Variants in KIFAP3 observed in about 807,000 individuals in gnomAD.
The protein encoded by KIFAP3 is kinesin associated protein 3, also known as kinesin-associated protein 3.
In KIFAP3, 68 loss-of-function variants were observed where a neutral mutation model predicts 106.5. The ratio of observed to expected loss-of-function variants is 0.64; its 90% CI spans 0.53 to 0.78. The LOEUF (loss-of-function observed/expected upper bound fraction) is 0.78. Among genes scored for constraint, KIFAP3 ranks in the 30% least tolerant of loss-of-function variants. The pLI is 0.00. For synonymous variants in KIFAP3, 320 were observed against 311.5 expected, an observed-to-expected ratio of 1.03 and a Z score of -0.29; for missense variants, 780 against 941.8, an observed-to-expected ratio of 0.83 and a Z score of 2.25.
At chr1:170,079,012 G>T (rs1167108121), upstream of KIFAP3, among the ~76,000 whole-genome samples, 1 of 152,142 alleles carries the variant, frequency 6.6e-6, no homozygotes, top group Non-Finnish European at 1.5e-5. Context: ...TAATTAATTT[G>T]CCATATTGCT....
chr1:170,077,117 C>A (rs140920124), upstream of KIFAP3, among the ~76,000 whole-genome samples: 444 of 152,252 alleles, frequency 2.9e-3, 5 homozygotes, highest in Middle Eastern at 3.4e-3. Flanking sequence ...GTAAACGCAC[C>A]AATCAGCACT....
At chr1:169,935,384 T>C (rs478116) in intron 19 of KIFAP3, among the ~76,000 whole-genome samples, 142,219 of 152,064 alleles carry the variant, frequency 0.94, 66,595 homozygotes, top group East Asian at 0.99. Flanking sequence ...GGATTCCTTT[T>C]TAAGATCGCT....
intron 11 of KIFAP3, among the ~76,000 whole-genome samples, 195 bp from the exon 12 acceptor site, chr1:169,984,885 G>A (rs78930097): frequency 1.3e-5 from 2 of 151,804 alleles, no homozygotes; most frequent in Admixed American, 1.3e-4. Flanking sequence ...TGAACTCTTA[G>A]ATGCTCAGCA....
intron 11 of KIFAP3, among the ~76,000 whole-genome samples, chr1:169,986,984 C>A (rs552637236): frequency 6.6e-6 from 1 of 152,020 alleles, no homozygotes; most frequent in East Asian, 1.9e-4. Context: ...AACTCCCATT[C>A]CCCATATCGA....
intron 1 of KIFAP3, among the ~76,000 whole-genome samples, chr1:170,066,196 G>T (rs1671438986): frequency 7.8e-6 from 1 of 128,864 alleles, no homozygotes; most frequent in African/African-American, 3.1e-5. Context: ...CATTCTTTAT[G>T]TTATAGCTGT....
chr1:169,927,576 G>A (rs1663211913), intron 19 of KIFAP3, among the ~76,000 whole-genome samples: 1 of 152,146 alleles, frequency 6.6e-6, no homozygotes, highest in Admixed American at 6.5e-5. Flanking sequence ...GGCAAGGAGT[G>A]TTTTGGCCAT....
At chr1:169,973,122 T>TATATATATATAA (rs1337198179) in intron 16 of KIFAP3, among the ~76,000 whole-genome samples, 4 of 138,568 alleles carry the variant, frequency 2.9e-5, no homozygotes, top group African/African-American at 1.1e-4. Context: ...TATATATATA[T>TATATATATATAA]AAACAACACA....
At chr1:170,032,070 T>C in intron 7 of KIFAP3, 86 bp from the exon 8 acceptor site, 2 of 725,570 alleles carry the variant, frequency 2.8e-6, no homozygotes, top group South Asian at 3.6e-5. Flanking sequence ...ACTATTAAAT[T>C]TTATGTGCAA....
At chr1:169,942,780 G>A (rs1664202358) in intron 19 of KIFAP3, among the ~76,000 whole-genome samples, 1 of 152,134 alleles carries the variant, frequency 6.6e-6, no homozygotes, top group African/African-American at 2.4e-5. Flanking sequence ...ATGTAGAACA[G>A]AGCCCAGTTA....
intron 11 of KIFAP3, among the ~76,000 whole-genome samples, chr1:169,989,391 G>A (rs1340285670): frequency 6.6e-6 from 1 of 151,680 alleles, no homozygotes; most frequent in Non-Finnish European, 1.5e-5. Flanking sequence ...AGTCAATCTC[G>A]GTAAGAATAT....
At position 170,024,287 on chromosome 1, in the gene KIFAP3, A is replaced by C. The variant is rs1669003090; in HGVS notation, c.1020+131T>G. 3 of 532,094 alleles carry C rather than the reference A, an allele frequency of 5.6e-6. No homozygotes were observed. The East Asian group carries it at 9.3e-5, about 17-fold the overall frequency. 33.0% of individuals were successfully genotyped at this position (532,094 alleles called of 1,614,324 possible). ...ATTTCTTAATGAAGCAATATCAGTG[A>C]GTTATTGCTATTATAAAATCTTTAT... is the stretch of plus-strand genomic sequence containing the variant. On this transcript the variant is annotated intron_variant, in intron 9 of 19. Coordinates refer to ENST00000361580, the MANE Select transcript of KIFAP3 (RefSeq NM_014970.4).
At chr1:170,049,793 C>T in intron 2 of KIFAP3, among the ~76,000 whole-genome samples, 1 of 150,944 alleles carries the variant, frequency 6.6e-6, no homozygotes. Flanking sequence ...ACAACAACAA[C>T]ATCAACAAAA....
chr1:169,972,268 G>A (rs1431432964), intron 17 of KIFAP3, among the ~76,000 whole-genome samples: 5 of 151,786 alleles, frequency 3.3e-5, no homozygotes, highest in South Asian at 2.1e-4. Context: ...GTGACTCTGT[G>A]ATGACATGTA....
intron 10 of KIFAP3, among the ~76,000 whole-genome samples, chr1:170,004,821 C>A (rs1667861348): frequency 3.3e-5 from 5 of 150,370 alleles, no homozygotes; most frequent in Admixed American, 3.3e-4. Context: ...TCTAAAACAC[C>A]AAAAGCAATG....
At chr1:169,950,390 C>T (rs1571546415) in intron 19 of KIFAP3, among the ~76,000 whole-genome samples, 4 of 152,188 alleles carry the variant, frequency 2.6e-5, no homozygotes, top group Admixed American at 2.6e-4. Flanking sequence ...ATACATTAAT[C>T]AAGTATTACT....
At chr1:170,080,196 G>C (rs1671998366) in intron 1 of KIFAP3, among the ~76,000 whole-genome samples, 1 of 151,944 alleles carries the variant, frequency 6.6e-6, no homozygotes, top group Admixed American at 6.6e-5. Flanking sequence ...AATATGTAGG[G>C]ATAAATCTAC....
chr1:170,038,703 C>T (rs929819318), intron 4 of KIFAP3, among the ~76,000 whole-genome samples: 1 of 152,140 alleles, frequency 6.6e-6, no homozygotes, highest in Non-Finnish European at 1.5e-5. Flanking sequence ...TTTGTATCTA[C>T]TACAGTAGAT....
intron 1 of KIFAP3, among the ~76,000 whole-genome samples, chr1:170,073,664 T>C (rs1256450122): frequency 6.6e-6 from 1 of 152,184 alleles, no homozygotes; most frequent in Non-Finnish European, 1.5e-5. Flanking sequence ...TTAAAATTTT[T>C]TTCTATTGGA....
chr1:169,925,799 G>A (rs981353779), intron 19 of KIFAP3, among the ~76,000 whole-genome samples: 2 of 152,104 alleles, frequency 1.3e-5, no homozygotes, highest in African/African-American at 4.8e-5. Flanking sequence ...CTGGCTGTTT[G>A]TGAGGCTTAA....
Sources: gnomAD v4.1 joint callset for allele counts (sites outside exome capture counted in the v4.1 genomes callset) on GRCh38, gnomAD v4.1.1 for gene constraint, MANE v1.5 for transcripts, NCBI Gene and HGNC (gene_info 2026-07-23, HGNC 2026-07-21) for gene names.